The following IGSF10 variants were observed in gnomAD, a reference collection of about 807,000 sequenced individuals.
The protein encoded by IGSF10 is calvaria mechanical force protein 608.
IGSF10 carries 126 observed loss-of-function variants against 128.2 expected under a neutral mutation model. The observed-to-expected ratio is 0.98, with a 90% CI of 0.85 to 1.14. The LOEUF (loss-of-function observed/expected upper bound fraction) is 1.14, where lower values mean the gene tolerates loss of function less well. Ranked by LOEUF, IGSF10 falls within the 50% of genes most tolerant of loss-of-function variation. The probability of loss-of-function intolerance (pLI) is 0.00; values close to 1 mark genes in which losing one functional copy is unlikely to be tolerated. For missense variants in IGSF10, 3,295 were observed against 3,149.8 expected (o/e 1.05, Z -1.10); for synonymous variants, 1,185 against 1,146.2 (o/e 1.03, Z -0.68).
At chr3:151,552,281 T>C in the IGSF10 span, among the ~76,000 whole-genome samples, 2 of 152,270 alleles carry the variant, frequency 1.3e-5, no homozygotes, top group East Asian at 3.9e-4. Flanking sequence ...TTAAACCTCT[T>C]TTCTTCATAA....
Position 151,447,965 on chromosome 3 carries a change from A to T in IGSF10, c.2016T>A (p.His672Gln). ...VKMKGQRPLE[H>Q]DGETEGSGLD... Reference sequence around the variant, plus strand: ...GTCCAGATCCCTCTGTTTCTCCATCATGCTCCAAGGGCCTTTGTCCTTTCA... The same window carrying T: ...GTCCAGATCCCTCTGTTTCTCCATCTTGCTCCAAGGGCCTTTGTCCTTTCA... Residue 672 changes from histidine to glutamine, a missense_variant, in exon 6 of 8, where the codon CAT (histidine) becomes CAA (glutamine). By Grantham distance (24) the His-to-Gln change is conservative. Transcript: ENST00000282466. 6.2e-7 allele frequency: 1 copy of T among 1,614,158 alleles called. No homozygotes were observed. Among genetic ancestry groups the T allele is most frequent in the Non-Finnish European group, 8.5e-7 (1 of 1,180,022 alleles).
chr3:151,567,763 A>G, the IGSF10 span, among the ~76,000 whole-genome samples: 1 of 152,154 alleles, frequency 6.6e-6, no homozygotes, highest in East Asian at 1.9e-4. Flanking sequence ...ATTCAACAAG[A>G]CAATTCTAAA....
chr3:151,439,433 C>A (rs1263350247), intron 7 of IGSF10, among the ~76,000 whole-genome samples: 3 of 152,120 alleles, frequency 2.0e-5, no homozygotes, highest in African/African-American at 7.2e-5. Flanking sequence ...GCCAACATGG[C>A]AAAACCCCAT....
At chr3:151,605,482 T>C in the IGSF10 span, among the ~76,000 whole-genome samples, 1 of 152,190 alleles carries the variant, frequency 6.6e-6, no homozygotes, top group African/African-American at 2.4e-5. Flanking sequence ...CCCTTTACTG[T>C]GAAACTGAAT....
the IGSF10 span, among the ~76,000 whole-genome samples, chr3:151,525,029 TTTTTTTTTTTTTTTTA>T: frequency 2.0e-5 from 2 of 102,266 alleles, no homozygotes; most frequent in South Asian, 3.7e-4. Context: ...TTTTTTTTTT[TTTTTTTTTTTTTTTTA>T]AAGAGAGCCT....
chr3:151,567,822 C>A, the IGSF10 span, among the ~76,000 whole-genome samples: 1 of 152,176 alleles, frequency 6.6e-6, no homozygotes, highest in African/African-American at 2.4e-5. Context: ...CACAAAACTG[C>A]AGTAAAGGCG....
In IGSF10 at chr3:151,443,659, A is replaced by G. The variant is rs1024443244; in HGVS notation, c.5288T>C (p.Val1763Ala). 2 of 1,614,186 alleles carry G rather than the reference A, an allele frequency of 1.2e-6. No homozygotes were observed. Among genetic ancestry groups the G allele is most frequent in the Non-Finnish European group, 1.7e-6 (2 of 1,180,012 alleles). Reference sequence around the variant, plus strand: ...ACCTTCTGCTCTGCACTTCAGTTCCACAGTGCTTCCGGAATGAACTGTGAT... The same window carrying G: ...ACCTTCTGCTCTGCACTTCAGTTCCGCAGTGCTTCCGGAATGAACTGTGAT... The part of the protein sequence containing the change: ...KEITVHSGST[V>A]ELKCRAEGRP... Residue 1763 changes from valine to alanine, a missense_variant, in exon 7 of 8, where the codon GTG (valine) becomes GCG (alanine). Physicochemically the swap from Val to Ala is moderately conservative, Grantham distance 64. Transcript: ENST00000282466.
At chr3:151,610,916 C>T in the IGSF10 span, among the ~76,000 whole-genome samples, 3 of 152,172 alleles carry the variant, frequency 2.0e-5, no homozygotes, top group Non-Finnish European at 4.4e-5. Context: ...AAAGGTCCCA[C>T]CACTTAATAC....
chr3:151,474,552 T>C, the IGSF10 span, among the ~76,000 whole-genome samples: 1 of 152,158 alleles, frequency 6.6e-6, no homozygotes, highest in African/African-American at 2.4e-5. Context: ...CTATGGTCCT[T>C]AGTCGCTCTC....
At chr3:151,466,744 A>G in the IGSF10 span, among the ~76,000 whole-genome samples, 1 of 151,956 alleles carries the variant, frequency 6.6e-6, no homozygotes, top group African/African-American at 2.4e-5. Flanking sequence ...ATGCCCAGCT[A>G]ATTTTTGTAT....
Position 151,437,408 on chromosome 3 carries a change from T to C in IGSF10, c.7153A>G (p.Ser2385Gly), listed in dbSNP as rs778347032. ...TTGCTTGCTATCAGATACTGATAACTTTGTGGTCCATTGGAAAATCGTGTG... is the reference window on the plus strand; with the variant it reads ...TTGCTTGCTATCAGATACTGATAACCTTGTGGTCCATTGGAAAATCGTGTG... ...NGTRFSNGPQ[S>G]YQYLIASNGS... is the part of the protein sequence containing the mutation. Residue 2385 changes from serine (S) to glycine (G), a missense_variant, in exon 8 of 8, where the codon AGT (serine) becomes GGT (glycine). Ser to Gly is a moderately conservative substitution (Grantham distance 56). Coordinates refer to ENST00000282466, the MANE Select transcript of IGSF10 (RefSeq NM_178822.5). The C allele has an allele frequency of 1.9e-6, 3 of 1,614,158 alleles. No individual in the cohort carries two copies. The highest frequency in any genetic ancestry group is 3.3e-5 in the Admixed American group (2 of 60,030).
rs768477499 is a variant in IGSF10 at position 151,436,963 on chromosome 3, C to T, written c.7598G>A (p.Arg2533His). Reference sequence around the variant, plus strand: ...CCTGGTGACAATACTCCTGGGTGGACGATTTGTAATTCGGGGAGGGTAGGC... The same window carrying T: ...CCTGGTGACAATACTCCTGGGTGGATGATTTGTAATTCGGGGAGGGTAGGC... ...IVAYPPRITN[R>H]PPRSIVTRTG... Residue 2533 changes from arginine to histidine, a missense_variant, in exon 8 of 8, where the codon CGT (arginine) becomes CAT (histidine). Arg to His is a conservative substitution (Grantham distance 29). Coordinates refer to ENST00000282466, the MANE Select transcript of IGSF10 (RefSeq NM_178822.5). 22 of 1,613,988 alleles carry T rather than the reference C, an allele frequency of 1.4e-5. No homozygotes were observed. The highest frequency in any genetic ancestry group is 3.3e-5 in the Admixed American group (2 of 59,998).
At chr3:151,502,884 T>C in the IGSF10 span, among the ~76,000 whole-genome samples, 3,503 of 152,218 alleles carry the variant, frequency 0.023, 101 homozygotes, top group East Asian at 0.062. Flanking sequence ...AGAGCTTTTG[T>C]GGCCTTAGCA....
At chr3:151,512,690 A>G in the IGSF10 span, among the ~76,000 whole-genome samples, 1 of 152,170 alleles carries the variant, frequency 6.6e-6, no homozygotes, top group Non-Finnish European at 1.5e-5. Context: ...GTTTTTTGAA[A>G]GATCAACAAA....
the IGSF10 span, among the ~76,000 whole-genome samples, chr3:151,586,183 C>A: frequency 6.6e-6 from 1 of 152,190 alleles, no homozygotes; most frequent in Middle Eastern, 3.4e-3. Flanking sequence ...TGGTCTCAAA[C>A]TCCTGGGCTC....
the IGSF10 span, among the ~76,000 whole-genome samples, chr3:151,493,569 C>T: frequency 3.3e-5 from 5 of 152,254 alleles, no homozygotes; most frequent in African/African-American, 4.8e-5. Context: ...ACAATAACAT[C>T]CAGTACAGAA....
In IGSF10 at chr3:151,436,975, C is replaced by T. The variant is rs146905174; in HGVS notation, c.7586G>A (p.Arg2529Gln). The change falls in exon 8 of 8, where the codon CGA becomes CAA. Residue 2529 changes from arginine to glutamine, a missense_variant. Physicochemically the swap from Arg to Gln is conservative, Grantham distance 43. Coordinates refer to ENST00000282466, the MANE Select transcript of IGSF10 (RefSeq NM_178822.5). ...ACTCCTGGGTGGACGATTTGTAATT[C>T]GGGGAGGGTAGGCTACAATCATTAC... ...VPVMIVAYPP[R>Q]ITNRPPRSIV... 8.7e-6 allele frequency: 14 copies of T among 1,613,996 alleles called. No homozygotes were observed. Among genetic ancestry groups the T allele is most frequent in the African/African-American group, 5.3e-5 (4 of 74,898 alleles).
At chr3:151,614,384 C>T in the IGSF10 span, among the ~76,000 whole-genome samples, 22 of 152,240 alleles carry the variant, frequency 1.4e-4, no homozygotes, top group Admixed American at 5.9e-4. Context: ...ATGTTTATAG[C>T]GGCACTATTC....
the IGSF10 span, among the ~76,000 whole-genome samples, chr3:151,505,405 G>A: frequency 6.6e-6 from 1 of 152,228 alleles, no homozygotes; most frequent in East Asian, 1.9e-4. Context: ...TCTCTCACCA[G>A]GTCCCTCCCA....
Sources: allele counts gnomAD v4.1 joint callset (sites outside exome capture counted in the v4.1 genomes callset), GRCh38; gene constraint gnomAD v4.1.1; transcripts MANE v1.5; gene names NCBI Gene and HGNC (gene_info 2026-07-23, HGNC 2026-07-21).